CHN2: variants seen among roughly 807,000 people sequenced by gnomAD.
CHN2 encodes beta-chimaerin.
CHN2 carries 35 observed loss-of-function variants against 56.3 expected under a neutral mutation model. That is an observed-to-expected ratio of 0.62 (90% CI 0.47 to 0.82). The LOEUF (loss-of-function observed/expected upper bound fraction) is 0.82. CHN2 is among the 40% of genes least tolerant of loss of function. CHN2 has a pLI of 0.00. For missense variants in CHN2, 491 were observed against 580.5 expected (o/e 0.85, Z 1.58); for synonymous variants, 210 against 212.8 (o/e 0.99, Z 0.12).
At chr7:29,255,355 G>A (rs1257801866) in intron 1 of CHN2, among the ~76,000 whole-genome samples, 1 of 152,160 alleles carries the variant, frequency 6.6e-6, no homozygotes, top group Non-Finnish European at 1.5e-5. Context: ...CTGTGGCCTG[G>A]CCCATGTGAC....
chr7:29,356,879 G>A (rs116354307), intron 2 of CHN2, among the ~76,000 whole-genome samples: 188 of 152,306 alleles, frequency 1.2e-3, no homozygotes, highest in African/African-American at 4.4e-3. Context: ...GTAGTGAGAG[G>A]CATTGGGTGT....
At chr7:29,335,169 C>T (rs904991756) in intron 1 of CHN2, among the ~76,000 whole-genome samples, 5 of 152,174 alleles carry the variant, frequency 3.3e-5, no homozygotes, top group East Asian at 1.9e-4. Flanking sequence ...GTGGTGCTTA[C>T]GGGAGTGGAA....
rs544997584 is a variant in CHN2 at position 29,465,825 on chromosome 7, T to G, written c.577-14454T>G. Among the ~76,000 whole-genome samples the G allele has an allele frequency of 6.6e-5, 10 of 152,320 alleles. No homozygotes were observed. In the South Asian group the frequency reaches 2.1e-3, roughly 32 times the overall value. On this transcript the variant is annotated intron_variant, in intron 6 of 12. Coordinates refer to ENST00000222792, the MANE Select transcript of CHN2 (RefSeq NM_004067.4). ...TAAAAAATTTTAAATGGAGCCATGTTATTATAAGACTGAAGTAAACAAAAA... is the reference window on the plus strand; with the variant it reads ...TAAAAAATTTTAAATGGAGCCATGTGATTATAAGACTGAAGTAAACAAAAA...
At chr7:29,186,849 A>C (rs1360199423) in intron 2 of CHN2, among the ~76,000 whole-genome samples, 4 of 152,122 alleles carry the variant, frequency 2.6e-5, no homozygotes, top group African/African-American at 7.2e-5. Flanking sequence ...TGTAACCTTG[A>C]TAAATTACTT....
At chr7:29,437,975 T>C (rs538166797) in intron 6 of CHN2, among the ~76,000 whole-genome samples, 1 of 152,324 alleles carries the variant, frequency 6.6e-6, no homozygotes, top group African/African-American at 2.4e-5. Flanking sequence ...GATTTCTAGA[T>C]GATACTTTAA....
chr7:29,214,891 G>C (rs537741465), intron 1 of CHN2, among the ~76,000 whole-genome samples: 2 of 152,154 alleles, frequency 1.3e-5, no homozygotes, highest in African/African-American at 4.8e-5. Context: ...CAGCCACCAT[G>C]CTTGGCTTTG....
intron 5 of CHN2, among the ~76,000 whole-genome samples, chr7:29,399,466 A>G (rs1202030082): frequency 2.0e-5 from 3 of 152,240 alleles, no homozygotes; most frequent in African/African-American, 7.2e-5. Context: ...AGTATTAAAC[A>G]TCACAACATA....
At chr7:29,393,867 A>G (rs1801535753) in intron 4 of CHN2, among the ~76,000 whole-genome samples, 157 bp downstream of exon 4, 1 of 152,184 alleles carries the variant, frequency 6.6e-6, no homozygotes, top group African/African-American at 2.4e-5. Context: ...TTGAATTAAT[A>G]TTTTTTATAG....
At chr7:29,383,294 C>T (rs982583150) in intron 3 of CHN2, among the ~76,000 whole-genome samples, 2 of 151,952 alleles carry the variant, frequency 1.3e-5, no homozygotes, top group African/African-American at 4.8e-5. Context: ...TGAGAGCTCT[C>T]GAGCTGATGG....
chr7:29,512,717 C>T lies in CHN2; in HGVS notation c.1389C>T (p.Asn463=), dbSNP rs765860302. 30 of 1,613,860 alleles carry T rather than the reference C, an allele frequency of 1.9e-5. No individual in the cohort carries two copies. Among genetic ancestry groups the T allele is most frequent in the South Asian group, 4.4e-5 (4 of 91,056 alleles). The change falls in exon 13 of 13, where the codon AAC becomes AAT. Residue 463 remains asparagine, a synonymous_variant. Coordinates refer to ENST00000222792, the MANE Select transcript of CHN2 (RefSeq NM_004067.4). ...TGATTGTGCAGATTTTAATAGAAAACGAAGACGTTTTATTCTAATCCATCA... is the reference window on the plus strand; with the variant it reads ...TGATTGTGCAGATTTTAATAGAAAATGAAGACGTTTTATTCTAATCCATCA... ...QKLIVQILIE[N]EDVLF is the part of the protein sequence containing the mutation.
intron 1 of CHN2, among the ~76,000 whole-genome samples, chr7:29,353,973 G>A (rs1163686042): frequency 6.6e-6 from 1 of 152,192 alleles, no homozygotes; most frequent in Non-Finnish European, 1.5e-5. Context: ...TTCATTGTCT[G>A]TTTCCTAGAT....
chr7:29,264,012 CTGGGGGGCAGGCCCCGGGTGGGGGG>C (rs1335498506), intron 1 of CHN2, among the ~76,000 whole-genome samples: 2 of 150,526 alleles, frequency 1.3e-5, no homozygotes, highest in East Asian at 4.0e-4. Flanking sequence ...CATCCGGGAG[CTGGGGGGCAGGCCCCGGGTGGGGGG>C]TGGGGGGCAG....
chr7:29,361,287 T>C (rs544705886), intron 2 of CHN2, among the ~76,000 whole-genome samples: 1 of 152,308 alleles, frequency 6.6e-6, no homozygotes, highest in African/African-American at 2.4e-5. Flanking sequence ...ATAGCTAACC[T>C]TGAAAATGAT....
At chr7:29,230,309 C>A (rs1786570635) in intron 1 of CHN2, among the ~76,000 whole-genome samples, 1 of 152,178 alleles carries the variant, frequency 6.6e-6, no homozygotes, top group African/African-American at 2.4e-5. Flanking sequence ...AAATAACTTA[C>A]CTAAATCTTT....
intron 1 of CHN2, among the ~76,000 whole-genome samples, chr7:29,235,847 A>T (rs1177228555): frequency 1.3e-5 from 2 of 152,200 alleles, no homozygotes; most frequent in Non-Finnish European, 2.9e-5. Flanking sequence ...GCATACACAG[A>T]CACAAAGAAG....
chr7:29,387,779 A>C (rs1274977631), intron 3 of CHN2, among the ~76,000 whole-genome samples: 3 of 152,214 alleles, frequency 2.0e-5, no homozygotes, highest in Non-Finnish European at 1.5e-5. Flanking sequence ...TGTTTAGGCC[A>C]GGACCCTAGG....
chr7:29,354,755 T>A (rs751742051), intron 2 of CHN2, 92 bp downstream of exon 2: 329 of 1,153,426 alleles, frequency 2.9e-4, no homozygotes, highest in Non-Finnish European at 4.1e-4. Flanking sequence ...ACACAAGCGT[T>A]CCCACCTCAC....
At chr7:29,231,653 A>G (rs544227908) in intron 1 of CHN2, among the ~76,000 whole-genome samples, 60 of 152,310 alleles carry the variant, frequency 3.9e-4, no homozygotes, top group Non-Finnish European at 4.6e-4. Context: ...GATGTTTTCC[A>G]ACTTATTTAT....
At chr7:29,411,262 G>A (rs1803185807) in intron 6 of CHN2, among the ~76,000 whole-genome samples, 1 of 152,176 alleles carries the variant, frequency 6.6e-6, no homozygotes, top group African/African-American at 2.4e-5. Flanking sequence ...AAAGCTCAAA[G>A]TGACATTGAA....
Sources: allele counts gnomAD v4.1 joint callset (sites outside exome capture counted in the v4.1 genomes callset), GRCh38; gene constraint gnomAD v4.1.1; transcripts MANE v1.5; gene names NCBI Gene and HGNC (gene_info 2026-07-23, HGNC 2026-07-21).